The following ADGRB2 variants were observed in gnomAD, a reference collection of about 807,000 sequenced individuals.
The protein encoded by ADGRB2 is adhesion G protein-coupled receptor B2, also known as brain-specific angiogenesis inhibitor 2.
Under a neutral mutation model 178.7 loss-of-function variants are expected in ADGRB2, and 47 were observed. The observed-to-expected ratio is 0.26, with a 90% CI of 0.21 to 0.34. The LOEUF is 0.34. ADGRB2 is among the 10% of genes least tolerant of loss of function. The pLI is 1.00. For synonymous variants in ADGRB2, 870 were observed against 912.4 expected, an observed-to-expected ratio of 0.95 and a Z score of 0.84; for missense variants, 1,584 against 2,180.8, an observed-to-expected ratio of 0.73 and a Z score of 5.45.
In ADGRB2 at chr1:31,740,295, G is replaced by T; in HGVS notation, c.1989+52C>A. Reference sequence around the variant, plus strand: ...ACTCTGCCTAGGGGCCTGGCCTCCCGCTTCAGTTTGGGCCTTCTCCACCCT... The same window carrying T: ...ACTCTGCCTAGGGGCCTGGCCTCCCTCTTCAGTTTGGGCCTTCTCCACCCT... On this transcript the variant is annotated intron_variant, in intron 12 of 32. Transcript: ENST00000373658. The surrounding 1 kb of genome is among the most constrained non-coding windows in gnomAD (Gnocchi z 5.9). The T allele has an allele frequency of 6.2e-7, 1 of 1,603,716 alleles. No homozygotes were observed.
In ADGRB2 at chr1:31,755,853, G is replaced by T; in HGVS notation, c.838+146C>A. 3 of 1,108,002 alleles carry T rather than the reference G, an allele frequency of 2.7e-6. No homozygotes were observed. The highest frequency in any genetic ancestry group is 3.8e-6 in the Non-Finnish European group (3 of 783,076). The allele number at this position is 1,108,002 out of a possible 1,614,324, so 68.6% of individuals were successfully genotyped here. ...GTGAGGTCTCACTGCCATGCATTTTGGTGACCGCAACATTTGGACAAGGCT... is the reference window on the plus strand; with the variant it reads ...GTGAGGTCTCACTGCCATGCATTTTTGTGACCGCAACATTTGGACAAGGCT... On this transcript the variant is annotated intron_variant, in intron 4 of 32. Coordinates refer to ENST00000373658, the MANE Select transcript of ADGRB2 (RefSeq NM_001364857.2). This position sits in a 1 kb window ranked among gnomAD's most constrained non-coding sequence, Gnocchi z 5.1.
chr1:31,756,349 G>C lies in ADGRB2; in HGVS notation c.488C>G (p.Ser163Trp). The change falls in exon 4 of 33, where the codon TCG (serine) becomes TGG (tryptophan). Residue 163 changes from serine (S) to tryptophan (W), a missense_variant. This residue lies in a region of ADGRB2 where 657 missense variants were observed against 847.6 expected (regional missense o/e 0.78). Transcript: ENST00000373658. The surrounding 1 kb of genome is among the most constrained non-coding windows in gnomAD (Gnocchi z 8.5). ...GCGCGGGGCCTCGGAGGGCTCAGCC[G>C]ACAGGCACAGCTGCACGAAGTTCTT... is the stretch of plus-strand genomic sequence containing the variant. ...FDKNFVQLCL[S>W]AEPSEAPRLL... 1 of 1,612,966 alleles carries C rather than the reference G, an allele frequency of 6.2e-7. No homozygotes were observed. Among genetic ancestry groups the C allele is most frequent in the Non-Finnish European group, 8.5e-7 (1 of 1,179,964 alleles).
chr1:31,742,257 G>A (rs758066833), intron 7 of ADGRB2, 40 bp from the exon 8 acceptor site: 2 of 1,558,940 alleles, frequency 1.3e-6, no homozygotes, highest in Middle Eastern at 1.9e-4. Flanking sequence ...TGTTGAGCAG[G>A]ATGTGTGAGG....
rs1335542015 is a variant in ADGRB2 at position 31,753,109 on chromosome 1, A to G, written c.838+2890T>C. Among the ~76,000 whole-genome samples the G allele has an allele frequency of 6.6e-6, 1 of 152,162 alleles. No individual in the cohort carries two copies. Among genetic ancestry groups the G allele is most frequent in the Non-Finnish European group, 1.5e-5 (1 of 68,012 alleles). On this transcript the variant is annotated intron_variant, in intron 4 of 32. Coordinates refer to ENST00000373658, the MANE Select transcript of ADGRB2 (RefSeq NM_001364857.2). This position sits in a 1 kb window ranked among gnomAD's most constrained non-coding sequence, Gnocchi z 4.1. Reference sequence around the variant, plus strand: ...AGGATTAGAGGGTCAGTGGGCAGGAACTGCAGGCTGGCACTGGCCATCAGG... The same window carrying G: ...AGGATTAGAGGGTCAGTGGGCAGGAGCTGCAGGCTGGCACTGGCCATCAGG...
In ADGRB2 at chr1:31,756,411, G is replaced by A. The variant is rs1411521307; in HGVS notation, c.426C>T (p.Cys142=). The A allele has an allele frequency of 1.9e-6, 3 of 1,612,870 alleles. No individual in the cohort carries two copies. Among genetic ancestry groups the A allele is most frequent in the Non-Finnish European group, 2.5e-6 (3 of 1,179,874 alleles). ...EAEAAAGLEL[C]SGSGPFTFLH... ...GGAAGGTAAAGGGGCCTGAGCCGCT[G>A]CACAGCTCCAACCCCGCTGCCGCCT... Residue 142 remains cysteine (C), a synonymous_variant, in exon 4 of 33, where the codon TGC becomes TGT. Coordinates refer to ENST00000373658, the MANE Select transcript of ADGRB2 (RefSeq NM_001364857.2). This position sits in a 1 kb window ranked among gnomAD's most constrained non-coding sequence, Gnocchi z 8.5.
chr1:31,743,249 AG>A (rs1286318958), intron 6 of ADGRB2, among the ~76,000 whole-genome samples: 1 of 152,046 alleles, frequency 6.6e-6, no homozygotes, highest in African/African-American at 2.4e-5. Flanking sequence ...CGCCTGGACA[AG>A]GGGGCCAGGA....
rs759409770 is a variant in ADGRB2, at chr1:31,732,583, C to T, written c.3654G>A (p.Gly1218=). 2 of 1,614,022 alleles carry T rather than the reference C, an allele frequency of 1.2e-6. No individual in the cohort carries two copies. Among genetic ancestry groups the T allele is most frequent in the Non-Finnish European group, 8.5e-7 (1 of 1,180,038 alleles). Residue 1218 remains glycine (G), a synonymous_variant, in exon 27 of 33, where the codon GGG becomes GGA. Transcript: ENST00000373658. ...CTTCGCTCTCATCAGCCCGGCACAC[C>T]CCCATCTGGCACTTCACCACATCCT... ...EVQDVVKCQM[G]VCRADESEDS...
Position 31,742,129 on chromosome 1 carries a change from G to T in ADGRB2, c.1341C>A (p.Ser447Arg). The T allele has an allele frequency of 5.6e-6, 9 of 1,613,560 alleles. No individual in the cohort carries two copies. Among genetic ancestry groups the T allele is most frequent in the Non-Finnish European group, 5.9e-6 (7 of 1,179,948 alleles). The part of the protein sequence containing the change: ...NGTQQRSRKC[S>R]VAGPAWATCT... ...ATGTGGCCCAGGCTGGGCCCGCCAC[G>T]CTGCACTTCCGGCTGCGCTGTTGGG... is the stretch of plus-strand genomic sequence containing the variant. Residue 447 changes from serine (S) to arginine (R), a missense_variant, in exon 8 of 33, where the codon AGC becomes AGA. Physicochemically the swap from Ser to Arg is moderately radical, Grantham distance 110 (BLOSUM62 -1). Transcript: ENST00000373658.
rs954947663 is a variant in ADGRB2, at chr1:31,758,070, G to T, written c.-190-559C>A. ...CAGCCTGCGCAACCTCTACCCAACT[G>T]CCCAGAAAATGGAACCTAGCGCGTG... On this transcript the variant is annotated intron_variant, in intron 1 of 32. Coordinates refer to ENST00000373658, the MANE Select transcript of ADGRB2 (RefSeq NM_001364857.2). The surrounding 1 kb of genome is among the most constrained non-coding windows in gnomAD (Gnocchi z 4.2). 3.3e-5 allele frequency among the ~76,000 whole-genome samples: 5 copies of T among 152,088 alleles called. No individual in the cohort carries two copies. Among genetic ancestry groups the T allele is most frequent in the African/African-American group, 7.2e-5 (3 of 41,400 alleles).
rs1444368925 is a variant in ADGRB2 at position 31,753,342 on chromosome 1, C to T, written c.838+2657G>A. 1.3e-5 allele frequency among the ~76,000 whole-genome samples: 2 copies of T among 152,204 alleles called. No individual in the cohort carries two copies. The highest frequency in any genetic ancestry group is 2.9e-5 in the Non-Finnish European group (2 of 68,034). ...CAAGAGATCTATCAAAGGCAGTTTG[C>T]GTGAAATTAACAGGCGCCTGTACCC... On this transcript the variant is annotated intron_variant, in intron 4 of 32. Coordinates refer to ENST00000373658, the MANE Select transcript of ADGRB2 (RefSeq NM_001364857.2). The surrounding 1 kb of genome is among the most constrained non-coding windows in gnomAD (Gnocchi z 4.1).
In ADGRB2 at chr1:31,731,075, C is replaced by A; in HGVS notation, c.4105G>T (p.Gly1369Cys). 1 of 1,577,374 alleles carries A rather than the reference C, an allele frequency of 6.3e-7. No homozygotes were observed. Among genetic ancestry groups the A allele is most frequent in the East Asian group, 2.3e-5 (1 of 42,622 alleles). The change falls in exon 29 of 33, where the codon GGT becomes TGT. Residue 1369 changes from glycine to cysteine, a missense_variant. Physicochemically the swap from Gly to Cys is radical, Grantham distance 159 (BLOSUM62 -3). This residue lies in a region of ADGRB2 where 865 missense variants were observed against 1,192.8 expected (regional missense o/e 0.73). Transcript: ENST00000373658. ...LSLQPGGGGG[G>C]GEDAPRARPE... ...CGGGCCCTGGGGGCATCCTCACCAC[C>A]TCCACCCCCACCGCCAGGCTGCAGG...
At position 31,754,632 on chromosome 1, in the gene ADGRB2, A is replaced by G. The variant is rs921668030; in HGVS notation, c.838+1367T>C. ...TAGAGGCCAAGCTAGCCTGGGAGAG[A>G]GGCCACAGCAAAGCCACCGGGCACT... On this transcript the variant is annotated intron_variant, in intron 4 of 32. Coordinates refer to ENST00000373658, the MANE Select transcript of ADGRB2 (RefSeq NM_001364857.2). The surrounding 1 kb of genome is among the most constrained non-coding windows in gnomAD (Gnocchi z 5.7). 2.0e-5 allele frequency among the ~76,000 whole-genome samples: 3 copies of G among 152,248 alleles called. No individual in the cohort carries two copies. The highest frequency in any genetic ancestry group is 7.2e-5 in the African/African-American group (3 of 41,472).
chr1:31,739,876 C>T (rs1217100837), intron 14 of ADGRB2, 50 bp downstream of exon 14: 2 of 1,526,548 alleles, frequency 1.3e-6, no homozygotes, highest in Non-Finnish European at 1.8e-6. Context: ...GACAGAACGT[C>T]TTGAGTTCTG....
Position 31,727,559 on chromosome 1 carries a change from C to T in ADGRB2, c.4619G>A (p.Arg1540His), listed in dbSNP as rs375391528. Residue 1540 changes from arginine (R) to histidine (H), a missense_variant, in exon 33 of 33, where the codon CGC becomes CAC. This residue lies in a region of ADGRB2 where 865 missense variants were observed against 1,192.8 expected (regional missense o/e 0.73). Transcript: ENST00000373658. The surrounding 1 kb of genome is among the most constrained non-coding windows in gnomAD (Gnocchi z 4.4). ...TTTGAAGGTGCTCCAGCTCTGATGGCGCCGATGTTGGGACAAGCTGGGGCG... is the reference window on the plus strand; with the variant it reads ...TTTGAAGGTGCTCCAGCTCTGATGGTGCCGATGTTGGGACAAGCTGGGGCG... ...GERPSLSQHR[R>H]HQSWSTFKSM... is the part of the protein sequence containing the mutation. The T allele has an allele frequency of 8.9e-6, 14 of 1,576,252 alleles. No homozygotes were observed. Among genetic ancestry groups the T allele is most frequent in the South Asian group, 5.9e-5 (5 of 84,912 alleles).
Position 31,740,591 on chromosome 1 carries a change from C to A in ADGRB2, c.1795-50G>T, listed in dbSNP as rs768838713. ...TCACTGAAGTGTCAGGAGCTGGAAC[C>A]AGACCCTGGCCCATCCCACTCCAGT... On this transcript the variant is annotated intron_variant, in intron 11 of 32. Coordinates refer to ENST00000373658, the MANE Select transcript of ADGRB2 (RefSeq NM_001364857.2). The surrounding 1 kb of genome is among the most constrained non-coding windows in gnomAD (Gnocchi z 5.9). 3 of 1,514,040 alleles carry A rather than the reference C, an allele frequency of 2.0e-6. No homozygotes were observed. The highest frequency in any genetic ancestry group is 1.3e-5 in the South Asian group (1 of 76,772). The allele number at this position is 1,514,040 out of a possible 1,614,324, so 93.8% of individuals were successfully genotyped here.
At position 31,738,884 on chromosome 1, in the gene ADGRB2, G is replaced by A; in HGVS notation, c.2549C>T (p.Thr850Ile). Residue 850 changes from threonine to isoleucine, a missense_variant, in exon 16 of 33, where the codon ACC becomes ATC. This residue lies in a region of ADGRB2 where 865 missense variants were observed against 1,192.8 expected (regional missense o/e 0.73). Transcript: ENST00000373658. The part of the protein sequence containing the change: ...RVMTVTVRPP[T>I]QPPAEPLITV... The stretch of plus-strand genomic sequence containing the variant: ...GATGAGGGGCTCAGCTGGAGGCTGG[G>A]TAGGGGGGCGCACAGTCACTGTCAT... The A allele has an allele frequency of 1.2e-6, 2 of 1,613,900 alleles. No individual in the cohort carries two copies. Among genetic ancestry groups the A allele is most frequent in the Non-Finnish European group, 1.7e-6 (2 of 1,179,998 alleles).
intron 20 of ADGRB2, among the ~76,000 whole-genome samples, chr1:31,736,930 G>A (rs1009117456): frequency 1.3e-5 from 2 of 152,150 alleles, no homozygotes; most frequent in Non-Finnish European, 2.9e-5. Flanking sequence ...TCGGCATCCA[G>A]GGAGGCGGGT....
chr1:31,749,921 A>G (rs909936363), intron 4 of ADGRB2, among the ~76,000 whole-genome samples: 3 of 151,374 alleles, frequency 2.0e-5, no homozygotes, highest in African/African-American at 7.3e-5. Context: ...GTTTCAGAAA[A>G]AGAGAGAGAG....
Position 31,755,912 on chromosome 1 carries a change from G to A in ADGRB2, c.838+87C>T. 6.7e-7 allele frequency: 1 copy of A among 1,503,736 alleles called. No individual in the cohort carries two copies. The highest frequency in any genetic ancestry group is 1.3e-5 in the South Asian group (1 of 77,802). 93.1% of individuals were successfully genotyped at this position (1,503,736 alleles called of 1,614,324 possible). A position where few individuals can be genotyped will look rare whatever the true frequency, so the allele number is the denominator to read the frequency against. On this transcript the variant is annotated intron_variant, in intron 4 of 32. Coordinates refer to ENST00000373658, the MANE Select transcript of ADGRB2 (RefSeq NM_001364857.2). The surrounding 1 kb of genome is among the most constrained non-coding windows in gnomAD (Gnocchi z 5.1). ...GGGTGACATCAGTGAACAGCTACAT[G>A]CATGGCCGAGGATCTGCCAGGATGG...
Sources: allele counts gnomAD v4.1 joint callset (sites outside exome capture counted in the v4.1 genomes callset), GRCh38; gene constraint gnomAD v4.1.1; regional missense constraint gnomAD v4.1.1; non-coding constraint Gnocchi (gnomAD v3.1); transcripts MANE v1.5; gene names NCBI Gene and HGNC (gene_info 2026-07-23, HGNC 2026-07-21).